NDUFS8: variants seen among roughly 807,000 people sequenced by gnomAD.
NDUFS8 encodes the protein NADH:ubiquinone oxidoreductase core subunit S8, also known as NADH dehydrogenase [ubiquinone] iron-sulfur protein 8, mitochondrial.
A neutral mutation model predicts 25.6 loss-of-function variants in NDUFS8; 13 were observed. The observed-to-expected ratio is 0.51, with a 90% CI of 0.33 to 0.81. NDUFS8 has a LOEUF of 0.81. Among genes scored for constraint, NDUFS8 ranks in the 30% least tolerant of loss-of-function variants. NDUFS8 has a pLI of 0.02. For synonymous variants in NDUFS8, 119 were observed against 119.4 expected (o/e 1.00, Z 0.02); for missense variants, 257 against 300.9 (o/e 0.85, Z 1.08).
chr11:68,033,552 C>T (rs999478017), intron 5 of NDUFS8: 7 of 549,164 alleles, frequency 1.3e-5, no homozygotes, highest in Non-Finnish European at 2.3e-5. Flanking sequence ...AGGGTGTGAC[C>T]CCTGGGCCTC....
chr11:68,032,499 A>T lies in NDUFS8; in HGVS notation c.109+163A>T, dbSNP rs940930199. ...GTGATGGAGACTGACTCTGATTCAC[A>T]GGGGCAGGGTCCATCATTGCCGAGG... is the stretch of plus-strand genomic sequence containing the variant. On this transcript the variant is annotated intron_variant, in intron 3 of 6. Transcript: ENST00000313468. The T allele has an allele frequency of 4.6e-6, 7 of 1,522,458 alleles. No individual in the cohort carries two copies. In the African/African-American group the frequency reaches 9.6e-5, roughly 21 times the overall value. The allele number at this position is 1,522,458 out of a possible 1,614,324, so 94.3% of individuals were successfully genotyped here. A position where few individuals can be genotyped will look rare whatever the true frequency, so the allele number is the denominator to read the frequency against.
intron 5 of NDUFS8, 112 bp downstream of exon 5, chr11:68,033,395 T>C (rs1854812121): frequency 6.2e-6 from 8 of 1,291,312 alleles, no homozygotes. Flanking sequence ...CCCCAGGAAG[T>C]CCCTTTCCCC....
chr11:68,033,500 C>G, intron 5 of NDUFS8: 3 of 666,676 alleles, frequency 4.5e-6, no homozygotes, highest in Non-Finnish European at 7.9e-6. Flanking sequence ...CAGCCCTGGG[C>G]AGGCGCCTGA....
chr11:68,032,729 A>G, intron 3 of NDUFS8, 194 bp from the exon 4 acceptor site: 1 of 784,570 alleles, frequency 1.3e-6, no homozygotes, highest in Non-Finnish European at 2.1e-6. Context: ...AGGGAGAGGT[A>G]GGCACGGACG....
At chr11:68,032,088 G>A (rs1854775967) in intron 1 of NDUFS8, 64 bp from the exon 2 acceptor site, 3 of 1,606,552 alleles carry the variant, frequency 1.9e-6, no homozygotes, top group Admixed American at 3.3e-5. Flanking sequence ...TCCTTGCGGT[G>A]CCAGTCTCAG....
At chr11:68,036,440 G>A (rs765190597) in intron 6 of NDUFS8, 22 bp from the exon 7 acceptor site, 111 of 1,613,924 alleles carry the variant, frequency 6.9e-5, no homozygotes, top group Non-Finnish European at 7.9e-5. Context: ...CCTAACCACC[G>A]TCCCTGCACC....
At chr11:68,035,297 A>C (rs1854863542) in intron 5 of NDUFS8, 1 of 153,392 alleles carries the variant, frequency 6.5e-6, no homozygotes, top group African/African-American at 2.4e-5. Context: ...AATACAAAAA[A>C]TTAGCCCCTG....
At chr11:68,034,667 AG>A (rs1854845589) in intron 5 of NDUFS8, 3 of 150,598 alleles carry the variant, frequency 2.0e-5, no homozygotes, top group African/African-American at 7.4e-5. Flanking sequence ...AACAAAACTT[AG>A]CCGGGCACGT....
chr11:68,036,017 CAA>C (rs56359843), intron 5 of NDUFS8: 3,799 of 369,052 alleles, frequency 0.01, no homozygotes, highest in Non-Finnish European at 0.012. Context: ...GACTCTATCT[CAA>C]AAAAAAAAAA....
In NDUFS8 at chr11:68,035,786, A is replaced by C. The variant is rs745623287; in HGVS notation, c.373-467A>C. ...TGTAATCCCAGCACTTTGGGAGTCCAAGGTAAGCGGATCACAAGGTCAAGA... is the reference window on the plus strand; with the variant it reads ...TGTAATCCCAGCACTTTGGGAGTCCCAGGTAAGCGGATCACAAGGTCAAGA... On this transcript the variant is annotated intron_variant, in intron 5 of 6. Transcript: ENST00000313468. 17 of 447,312 alleles carry C rather than the reference A, an allele frequency of 3.8e-5. 1 individual carries two copies. The East Asian group carries it at 5.6e-4, about 15-fold the overall frequency. The allele number at this position is 447,312 out of a possible 1,614,324, so 27.7% of individuals were successfully genotyped here. A position where few individuals can be genotyped will look rare whatever the true frequency, so the allele number is the denominator to read the frequency against.
chr11:68,031,669 T>C (rs930924854), intron 1 of NDUFS8: 1 of 262,084 alleles, frequency 3.8e-6, no homozygotes, highest in Non-Finnish European at 7.6e-6. Context: ...CTCAACAAAC[T>C]GAGTCCCAGC....
Position 68,030,711 on chromosome 11 carries a change from G to GC in NDUFS8, c.-22dup. ...CCGATTGACTGGCCTGCTTGGCAAG[G>GC]CAAGTAGCGGCGGCGCTTCAAGGTG... On this transcript the variant is annotated 5_prime_UTR_variant, in exon 1 of 7. Coordinates refer to ENST00000313468, the MANE Select transcript of NDUFS8 (RefSeq NM_002496.4). The GC allele has an allele frequency of 3.0e-6, 1 of 333,166 alleles. No individual in the cohort carries two copies. Among genetic ancestry groups the GC allele is most frequent in the Non-Finnish European group, 6.0e-6 (1 of 167,602 alleles). 20.6% of individuals were successfully genotyped at this position (333,166 alleles called of 1,614,324 possible). A position where few individuals can be genotyped will look rare whatever the true frequency, so the allele number is the denominator to read the frequency against.
chr11:68,035,985 C>T (rs1854880350), intron 5 of NDUFS8: 1 of 439,796 alleles, frequency 2.3e-6, no homozygotes, highest in Admixed American at 3.5e-5. Context: ...TGCTGCTGCA[C>T]TCCAGCCTGG....
Position 68,032,165 on chromosome 11 carries a change from C to T in NDUFS8, c.14C>T (p.Thr5Ile). 1 of 1,612,618 alleles carries T rather than the reference C, an allele frequency of 6.2e-7. No individual in the cohort carries two copies. The highest frequency in any genetic ancestry group is 8.5e-7 in the Non-Finnish European group (1 of 1,180,030). Residue 5 changes from threonine to isoleucine, a missense_variant, in exon 2 of 7, where the codon ACC (threonine) becomes ATC (isoleucine). By Grantham distance (89) the Thr-to-Ile change is moderately conservative (BLOSUM62 -1). Coordinates refer to ENST00000313468, the MANE Select transcript of NDUFS8 (RefSeq NM_002496.4). Reference sequence around the variant, plus strand: ...TTATGCCACCAGATGCGCTGCCTGACCACGCCTATGCTGCTGCGGGCCCTG... The same window carrying T: ...TTATGCCACCAGATGCGCTGCCTGATCACGCCTATGCTGCTGCGGGCCCTG... MRCL[T>I]TPMLLRALAQ...
chr11:68,033,543 G>T, intron 5 of NDUFS8: 1 of 568,280 alleles, frequency 1.8e-6, no homozygotes, highest in Non-Finnish European at 3.2e-6. Context: ...GTCTGGCCAA[G>T]GGTGTGACCC....
rs1269363023 is a variant in NDUFS8 at position 68,033,271 on chromosome 11, C to G, written c.360C>G (p.Ile120Met). The G allele has an allele frequency of 6.2e-7, 1 of 1,605,256 alleles. No individual in the cohort carries two copies. Among genetic ancestry groups the G allele is most frequent in the South Asian group, 1.1e-5 (1 of 90,238 alleles). Residue 120 changes from isoleucine (I) to methionine (M), a missense_variant, in exon 5 of 7, where the codon ATC (isoleucine) becomes ATG (methionine). Ile to Met is a conservative substitution (Grantham distance 10). Transcript: ENST00000313468. ...RCIACKLCEAICPAQAITIEA... is the reference protein window; with the variant it reads ...RCIACKLCEAMCPAQAITIEA... ...TTGCCTGCAAGCTCTGCGAGGCCATCTGCCCCGCCCAGGTGAGCCCCTGCC... is the reference window on the plus strand; with the variant it reads ...TTGCCTGCAAGCTCTGCGAGGCCATGTGCCCCGCCCAGGTGAGCCCCTGCC...
chr11:68,030,707 C>T lies in NDUFS8; in HGVS notation c.-27C>T, dbSNP rs915078855. The T allele has an allele frequency of 2.4e-5, 8 of 331,588 alleles. No individual in the cohort carries two copies. The highest frequency in any genetic ancestry group is 4.8e-5 in the Non-Finnish European group (8 of 167,076). The allele number at this position is 331,588 out of a possible 1,614,324, so 20.5% of individuals were successfully genotyped here. ...CCTCCCGATTGACTGGCCTGCTTGG[C>T]AAGGCAAGTAGCGGCGGCGCTTCAA... is the stretch of plus-strand genomic sequence containing the variant. On this transcript the variant is annotated 5_prime_UTR_variant, in exon 1 of 7. Coordinates refer to ENST00000313468, the MANE Select transcript of NDUFS8 (RefSeq NM_002496.4).
intron 2 of NDUFS8, 34 bp from the exon 3 acceptor site, chr11:68,032,252 C>T (rs1455329159): frequency 6.2e-7 from 1 of 1,613,686 alleles, no homozygotes; most frequent in East Asian, 2.2e-5. Context: ...GGAGTCCAGT[C>T]TCCTGGTATG....
At chr11:68,031,927 C>A (rs1854773802) in intron 1 of NDUFS8, among the ~76,000 whole-genome samples, 2 of 152,196 alleles carry the variant, frequency 1.3e-5, no homozygotes, top group Non-Finnish European at 2.9e-5. Flanking sequence ...TGAGGCAGAA[C>A]TTGGGGTCCA....
Sources: gnomAD v4.1 joint callset for allele counts (sites outside exome capture counted in the v4.1 genomes callset) on GRCh38, gnomAD v4.1.1 for gene constraint, MANE v1.5 for transcripts, NCBI Gene and HGNC (gene_info 2026-07-23, HGNC 2026-07-21) for gene names.